GAP43: variants seen among roughly 807,000 people sequenced by gnomAD.
GAP43 encodes the protein neuromodulin.
In GAP43, 6 loss-of-function variants were observed where a neutral mutation model predicts 18.6. That is an observed-to-expected ratio of 0.32 (90% confidence interval 0.18 to 0.64). The LOEUF (loss-of-function observed/expected upper bound fraction) is 0.64, where lower values mean the gene tolerates loss of function less well. Ranked by LOEUF, GAP43 falls within the 30% of genes least tolerant of loss-of-function variation. The probability of loss-of-function intolerance (pLI) is 0.78; values close to 1 mark genes in which losing one functional copy is unlikely to be tolerated. For synonymous variants in GAP43, 115 were observed against 111.4 expected (o/e 1.03, Z -0.20); for missense variants, 292 against 295.5 (o/e 0.99, Z 0.09).
At chr3:115,652,206 C>T (rs1708526393) in intron 1 of GAP43, among the ~76,000 whole-genome samples, 1 of 151,948 alleles carries the variant, frequency 6.6e-6, no homozygotes, top group Non-Finnish European at 1.5e-5. Context: ...CTGTACCGCT[C>T]ATTTAATTCT....
intron 2 of GAP43, among the ~76,000 whole-genome samples, chr3:115,716,769 CAGAG>C (rs371857324): frequency 1.1e-3 from 58 of 54,692 alleles, no homozygotes; most frequent in African/African-American, 2.6e-3. Flanking sequence ...TATATATATA[CAGAG>C]AGAGAGAGAG....
intron 1 of GAP43, among the ~76,000 whole-genome samples, chr3:115,668,449 A>C (rs1169433644): frequency 6.6e-6 from 1 of 152,064 alleles, no homozygotes; most frequent in East Asian, 1.9e-4. Context: ...TTTGAGACGG[A>C]GTTTCGCTCT....
intron 1 of GAP43, among the ~76,000 whole-genome samples, chr3:115,631,152 C>T (rs908545732): frequency 2.0e-5 from 3 of 152,152 alleles, no homozygotes; most frequent in Non-Finnish European, 4.4e-5. Context: ...AGGTTTAGCA[C>T]GGGAATGTGA....
intron 1 of GAP43, among the ~76,000 whole-genome samples, chr3:115,634,612 A>T (rs1559788454): frequency 6.6e-6 from 1 of 152,024 alleles, no homozygotes. Flanking sequence ...TCTACAAAAA[A>T]TAAAAAAATT....
chr3:115,641,582 A>C (rs72961650), intron 1 of GAP43, among the ~76,000 whole-genome samples: 25,718 of 150,930 alleles, frequency 0.17, 2,251 homozygotes, highest in Admixed American at 0.23. Flanking sequence ...TAAAAGGCTC[A>C]TTACTGAGAT....
chr3:115,698,108 A>AATATATAATATATATTATATATAAT (rs1559804209), intron 2 of GAP43, among the ~76,000 whole-genome samples: 1 of 28,428 alleles, frequency 3.5e-5, no homozygotes, highest in African/African-American at 9.1e-5. Flanking sequence ...TAATATATAA[A>AATATATAATATATATTATATATAAT]ATATATAATA....
At position 115,698,297 on chromosome 3, in the gene GAP43, T is replaced by TA. The variant is rs1176140973; in HGVS notation, c.628+21687_628+21688insA. Among the ~76,000 whole-genome samples the TA allele has an allele frequency of 5.7e-4, 34 of 59,680 alleles. 1 individual carries two copies. Among genetic ancestry groups the TA allele is most frequent in the South Asian group, 2.8e-3 (6 of 2,148 alleles). 39.2% of individuals were successfully genotyped at this position (59,680 alleles called of 152,430 possible). A position where few individuals can be genotyped will look rare whatever the true frequency, so the allele number is the denominator to read the frequency against. On this transcript the variant is annotated intron_variant, in intron 2 of 2. Transcript: ENST00000305124. The stretch of plus-strand genomic sequence containing the variant: ...ATTATATATAAATATAATATATATA[T>TA]TATATATAAAATATATATAATATAT...
intron 2 of GAP43, among the ~76,000 whole-genome samples, chr3:115,714,890 C>T (rs28391587): frequency 0.52 from 78,816 of 151,828 alleles, 21,245 homozygotes; most frequent in East Asian, 0.72. Flanking sequence ...CACACACACA[C>T]ACACACATAC....
At chr3:115,662,925 C>T (rs566713124) in intron 1 of GAP43, among the ~76,000 whole-genome samples, 23 of 152,286 alleles carry the variant, frequency 1.5e-4, no homozygotes, top group Non-Finnish European at 2.9e-4. Context: ...AATCCCTGAA[C>T]GCAGGTTCAT....
chr3:115,636,200 A>G (rs1253111708), intron 1 of GAP43, among the ~76,000 whole-genome samples: 4 of 152,194 alleles, frequency 2.6e-5, no homozygotes, highest in African/African-American at 7.2e-5. Flanking sequence ...GTCATGTTGA[A>G]CTAACTATCT....
chr3:115,682,163 G>A (rs904694605), intron 2 of GAP43, among the ~76,000 whole-genome samples: 1 of 152,112 alleles, frequency 6.6e-6, no homozygotes, highest in Non-Finnish European at 1.5e-5. Flanking sequence ...AATTATTAGG[G>A]ATATTAAACT....
chr3:115,675,903 A>G, intron 1 of GAP43, 110 bp from the exon 2 acceptor site: 1 of 1,471,644 alleles, frequency 6.8e-7, no homozygotes, highest in Non-Finnish European at 9.1e-7. Context: ...AACTCCAAAA[A>G]CAGTGCCTGG....
chr3:115,714,515 ATAATT>A (rs1372993092), intron 2 of GAP43, among the ~76,000 whole-genome samples: 2 of 152,186 alleles, frequency 1.3e-5, no homozygotes, highest in African/African-American at 4.8e-5. Context: ...ACTTCATTAA[ATAATT>A]TAATCAAGTT....
chr3:115,646,226 C>T (rs542425687), intron 1 of GAP43, among the ~76,000 whole-genome samples: 1 of 152,216 alleles, frequency 6.6e-6, no homozygotes, highest in Admixed American at 6.5e-5. Context: ...CATTTGTGAC[C>T]TATAAAGATT....
chr3:115,689,334 C>T (rs1709073810), intron 2 of GAP43, among the ~76,000 whole-genome samples: 1 of 152,196 alleles, frequency 6.6e-6, no homozygotes, highest in Admixed American at 6.5e-5. Flanking sequence ...TGCATGGTAG[C>T]CCCAGTGCTC....
At chr3:115,648,993 TAGA>T (rs1248069725) in intron 1 of GAP43, among the ~76,000 whole-genome samples, 6 of 152,084 alleles carry the variant, frequency 3.9e-5, no homozygotes, top group Non-Finnish European at 8.8e-5. Flanking sequence ...TTTAAAGGCT[TAGA>T]AGAAGGTTGA....
chr3:115,636,461 T>A lies in GAP43; in HGVS notation c.30+12742T>A, dbSNP rs1333091426. Among the ~76,000 whole-genome samples the A allele has an allele frequency of 2.6e-5, 4 of 152,144 alleles. No individual in the cohort carries two copies. In the East Asian group the frequency reaches 7.7e-4, roughly 29 times the overall value. On this transcript the variant is annotated intron_variant, in intron 1 of 2. Transcript: ENST00000305124. The stretch of plus-strand genomic sequence containing the variant: ...AACCCTTAAAGCCCTAAGGCCCTAA[T>A]GTCCATATGTATGTAATGAGTTAAT...
At chr3:115,720,664 T>C in intron 2 of GAP43, 130 bp from the exon 3 acceptor site, 1 of 581,324 alleles carries the variant, frequency 1.7e-6, no homozygotes, top group East Asian at 3.1e-5. Context: ...ATATTAATAA[T>C]CTCTTTTAAT....
At chr3:115,682,743 G>A (rs550686219) in intron 2 of GAP43, among the ~76,000 whole-genome samples, 1 of 152,064 alleles carries the variant, frequency 6.6e-6, no homozygotes. Flanking sequence ...TACCATGTTG[G>A]TCAGGCTGGT....
Sources: gnomAD v4.1 joint callset for allele counts (sites outside exome capture counted in the v4.1 genomes callset) on GRCh38, gnomAD v4.1.1 for gene constraint, MANE v1.5 for transcripts, NCBI Gene and HGNC (gene_info 2026-07-23, HGNC 2026-07-21) for gene names.